TP53BP1: variants seen among roughly 807,000 people sequenced by gnomAD.
TP53BP1 encodes TP53-binding protein 1.
TP53BP1 carries 61 observed loss-of-function variants against 200.8 expected under a neutral mutation model. That is an observed-to-expected ratio of 0.30 (90% CI 0.25 to 0.38). The LOEUF (loss-of-function observed/expected upper bound fraction) is 0.38. Ranked by LOEUF, TP53BP1 falls within the 10% of genes least tolerant of loss-of-function variation. TP53BP1 has a pLI of 1.00. For synonymous variants in TP53BP1, 822 were observed against 844.3 expected (o/e 0.97, Z 0.46); for missense variants, 2,144 against 2,371.9 (o/e 0.90, Z 2.00).
chr15:43,487,794 AAAAAG>A (rs1290531629), intron 4 of TP53BP1, among the ~76,000 whole-genome samples: 1 of 152,032 alleles, frequency 6.6e-6, no homozygotes, highest in Non-Finnish European at 1.5e-5. Flanking sequence ...AAAAAAAAAA[AAAAAG>A]AAAAGAAAAA....
Position 43,479,894 on chromosome 15 carries a change from C to T in TP53BP1, c.623G>A (p.Gly208Asp). The change falls in exon 6 of 28, where the codon GGT (glycine) becomes GAT (aspartate). Residue 208 changes from glycine (G) to aspartate (D), a missense_variant. Around this residue, in one of 4 missense-constraint regions of TP53BP1, gnomAD observed 1,700 missense variants for 1,710.3 expected, o/e 0.99. Transcript: ENST00000382044. ...EQLQSVTTNS[G>D]YTRLSDVDAN... ...ATCCACATCAGACAGCCTGGTATAACCAGAGTTGGTGGTTACTGATTGTAG... is the reference window on the plus strand; with the variant it reads ...ATCCACATCAGACAGCCTGGTATAATCAGAGTTGGTGGTTACTGATTGTAG... 3 of 1,614,166 alleles carry T rather than the reference C, an allele frequency of 1.9e-6. No individual in the cohort carries two copies. The highest frequency in any genetic ancestry group is 2.5e-6 in the Non-Finnish European group (3 of 1,180,024).
Position 43,408,983 on chromosome 15 carries a change from A to C in TP53BP1, c.5514T>G (p.Asp1838Glu). Reference sequence around the variant, plus strand: ...TCTGGAGCTGGTTGGCATGGCAACTATCATGGACCCAGACATGAGACACAC... The same window carrying C: ...TCTGGAGCTGGTTGGCATGGCAACTCTCATGGACCCAGACATGAGACACAC... ...IPCVSHVWVH[D>E]SCHANQLQNY... The change falls in exon 26 of 28, where the codon GAT (aspartate) becomes GAG (glutamate). Residue 1838 changes from aspartate to glutamate, a missense_variant. Physicochemically the swap from Asp to Glu is conservative, Grantham distance 45. Transcript: ENST00000382044. The C allele has an allele frequency of 6.2e-7, 1 of 1,614,208 alleles. No homozygotes were observed. Among genetic ancestry groups the C allele is most frequent in the Non-Finnish European group, 8.5e-7 (1 of 1,180,026 alleles).
chr15:43,409,267 T>C, intron 25 of TP53BP1, 171 bp from the exon 26 acceptor site: 2 of 633,370 alleles, frequency 3.2e-6, no homozygotes, highest in Admixed American at 5.5e-5. Flanking sequence ...GCCCAAGTAA[T>C]TTCCATAGAT....
At chr15:43,419,734 T>C (rs2045351796) in intron 21 of TP53BP1, among the ~76,000 whole-genome samples, 1 of 151,742 alleles carries the variant, frequency 6.6e-6, no homozygotes, top group African/African-American at 2.4e-5. Context: ...AATGAGAAAA[T>C]ATTAGACAAA....
rs1180561933 is a variant in TP53BP1 at position 43,492,960 on chromosome 15, T to C, written c.7+77A>G. On this transcript the variant is annotated intron_variant, in intron 1 of 27. Transcript: ENST00000382044. ...CCGCCATGCTTGCCACCCCGCCCCC[T>C]CCGGTCAGCCATCCCTTCAGACCCG... 14 of 1,122,296 alleles carry C rather than the reference T, an allele frequency of 1.2e-5. No homozygotes were observed. The Admixed American group carries it at 3.6e-4, about 29-fold the overall frequency. The allele number at this position is 1,122,296 out of a possible 1,614,324, so 69.5% of individuals were successfully genotyped here. A position where few individuals can be genotyped will look rare whatever the true frequency, so the allele number is the denominator to read the frequency against.
intron 21 of TP53BP1, among the ~76,000 whole-genome samples, chr15:43,419,497 C>T (rs183783836): frequency 1.3e-5 from 2 of 148,434 alleles, no homozygotes; most frequent in East Asian, 4.0e-4. Flanking sequence ...GTAGCTACGA[C>T]AACAAGCATG....
intron 9 of TP53BP1, 101 bp downstream of exon 9, chr15:43,475,464 A>G: frequency 7.1e-7 from 1 of 1,412,826 alleles, no homozygotes; most frequent in East Asian, 2.3e-5. Flanking sequence ...TTGGTTTCAA[A>G]AAGAATTCTA....
chr15:43,473,823 G>C (rs746383867), intron 10 of TP53BP1, among the ~76,000 whole-genome samples: 1 of 152,218 alleles, frequency 6.6e-6, no homozygotes, highest in African/African-American at 2.4e-5. Context: ...AGTGGATCTC[G>C]CACGGGGGCT....
chr15:43,464,742 A>G (rs1486929576), intron 11 of TP53BP1, among the ~76,000 whole-genome samples: 2 of 146,596 alleles, frequency 1.4e-5, no homozygotes, highest in African/African-American at 5.1e-5. Context: ...CGTCTCTACT[A>G]AAAAAAAAAT....
chr15:43,404,426 A>G lies in TP53BP1; in HGVS notation c.*2957T>C, dbSNP rs753168038. On this transcript the variant is annotated 3_prime_UTR_variant, in exon 28 of 28. Transcript: ENST00000382044. ...TTCTCTCTGCAGGGCTTTAGCCGCC[A>G]GTCTTCACTCCTGTTCAAGATTCTC... 1 of 1,614,184 alleles carries G rather than the reference A, an allele frequency of 6.2e-7. No homozygotes were observed. Among genetic ancestry groups the G allele is most frequent in the African/African-American group, 1.3e-5 (1 of 75,064 alleles).
At chr15:43,479,215 C>T (rs2140120344) in intron 7 of TP53BP1, among the ~76,000 whole-genome samples, 182 bp downstream of exon 7, 1 of 152,182 alleles carries the variant, frequency 6.6e-6, no homozygotes, top group Admixed American at 6.5e-5. Context: ...GACAGACAGA[C>T]AAAAAACAAT....
chr15:43,499,387 C>T (rs944138890), intron 1 of TP53BP1, among the ~76,000 whole-genome samples: 1 of 152,030 alleles, frequency 6.6e-6, no homozygotes, highest in Non-Finnish European at 1.5e-5. Flanking sequence ...TTTAACAAAC[C>T]TGCACATGTA....
chr15:43,409,625 G>A (rs200034359), intron 25 of TP53BP1, 22 bp downstream of exon 25: 7 of 1,388,730 alleles, frequency 5.0e-6, no homozygotes, highest in South Asian at 1.4e-5. Context: ...ACTATATTAG[G>A]TTACACAAAG....
intron 16 of TP53BP1, among the ~76,000 whole-genome samples, chr15:43,434,641 A>T (rs1566931502): frequency 6.6e-6 from 1 of 152,220 alleles, no homozygotes; most frequent in East Asian, 1.9e-4. Context: ...ATGTGAGAAC[A>T]GCTGTCTACA....
chr15:43,447,332 C>G (rs2046064845), intron 13 of TP53BP1, 34 bp downstream of exon 13: 1 of 1,584,914 alleles, frequency 6.3e-7, no homozygotes, highest in Non-Finnish European at 8.6e-7. Flanking sequence ...CTCAGAAATT[C>G]TGCCTTAAAT....
chr15:43,422,911 C>T (rs1004367133), intron 18 of TP53BP1, among the ~76,000 whole-genome samples: 1 of 151,778 alleles, frequency 6.6e-6, no homozygotes, highest in Non-Finnish European at 1.5e-5. Flanking sequence ...GGGAGGATCA[C>T]TTGAGCTTGG....
chr15:43,414,794 C>T (rs1005545420), intron 23 of TP53BP1, among the ~76,000 whole-genome samples: 2 of 152,006 alleles, frequency 1.3e-5, no homozygotes, highest in African/African-American at 4.8e-5. Flanking sequence ...CAACCTCTGC[C>T]TCCCAGGTTC....
intron 12 of TP53BP1, among the ~76,000 whole-genome samples, chr15:43,452,012 A>G (rs2439848): frequency 0.28 from 42,946 of 151,952 alleles, 10,267 homozygotes; most frequent in African/African-American, 0.65. Context: ...ACATGTGCCT[A>G]TAATTCCAGC....
intron 11 of TP53BP1, among the ~76,000 whole-genome samples, chr15:43,458,964 A>C (rs2046365194): frequency 6.6e-6 from 1 of 152,150 alleles, no homozygotes; most frequent in African/African-American, 2.4e-5. Context: ...TTCTGCTTGT[A>C]GGCATTTACC....
Sources: allele counts gnomAD v4.1 joint callset (sites outside exome capture counted in the v4.1 genomes callset), GRCh38; gene constraint gnomAD v4.1.1; regional missense constraint gnomAD v4.1.1; transcripts MANE v1.5; gene names NCBI Gene and HGNC (gene_info 2026-07-23, HGNC 2026-07-21).